DST: variants seen among roughly 807,000 people sequenced by gnomAD.
The protein encoded by DST is bullous pemphigoid antigen.
DST carries 253 observed loss-of-function variants against 875.2 expected under a neutral mutation model. The observed-to-expected ratio is 0.29, with a 90% CI of 0.26 to 0.32. The LOEUF is 0.32. DST is among the 10% of genes least tolerant of loss of function. The pLI is 1.00. For synonymous variants in DST, 3,124 were observed against 3,197.1 expected (o/e 0.98, Z 0.77); for missense variants, 8,287 against 9,111.6 (o/e 0.91, Z 3.68).
chr6:56,578,808 T>A lies in DST; in HGVS notation c.13027+6A>T. 2 of 1,611,894 alleles carry A rather than the reference T, an allele frequency of 1.2e-6. No individual in the cohort carries two copies. Among genetic ancestry groups the A allele is most frequent in the Middle Eastern group, 1.7e-4 (1 of 6,048 alleles). ...GAGACAGGAAGCAAGGACATGAATA[T>A]CTTACCAAGTGTTTTCTGGATATCA... On this transcript the variant is annotated splice_donor_region_variant and intron_variant, in intron 50 of 103. Transcript: ENST00000680361.
At position 56,529,582 on chromosome 6, in the gene DST, A is replaced by C; in HGVS notation, c.17461T>G (p.Cys5821Gly). Residue 5821 changes from cysteine (C) to glycine (G), a missense_variant, in exon 66 of 104, where the codon TGT becomes GGT. Physicochemically the swap from Cys to Gly is radical, Grantham distance 159. This residue lies in a region of DST where 777 missense variants were observed against 764.8 expected (regional missense o/e 1.02). Coordinates refer to ENST00000680361, the MANE Select transcript of DST (RefSeq NM_001374736.1). The stretch of plus-strand genomic sequence containing the variant: ...TCTTCCCCAAAAATCTTAGCATTAC[A>C]TAAGGCCTGCTGGAGGAGCTCAGAC... Reference protein sequence around the residue: ...SRSELLQQALCNAKIFGEDEV... With the variant: ...SRSELLQQALGNAKIFGEDEV... The C allele has an allele frequency of 6.2e-7, 1 of 1,613,876 alleles. No homozygotes were observed. Among genetic ancestry groups the C allele is most frequent in the South Asian group, 1.1e-5 (1 of 91,076 alleles).
At chr6:56,663,443 T>G (rs2099055358) in intron 10 of DST, among the ~76,000 whole-genome samples, 1 of 152,262 alleles carries the variant, frequency 6.6e-6, no homozygotes, top group South Asian at 2.1e-4. Context: ...CCCATGGCCA[T>G]GTGTATGCAC....
chr6:56,908,327 G>A (rs1328826505), intron 2 of DST, among the ~76,000 whole-genome samples: 1 of 152,126 alleles, frequency 6.6e-6, no homozygotes, highest in Non-Finnish European at 1.5e-5. Context: ...TGAGAGAGAT[G>A]AAGAGGGCAG....
rs1592939330 is a variant in DST, at chr6:56,954,677, C to A, written c.-90G>T. The A allele has an allele frequency of 4.6e-6, 4 of 872,434 alleles. No individual in the cohort carries two copies. Among genetic ancestry groups the A allele is most frequent in the Non-Finnish European group, 4.2e-6 (3 of 706,560 alleles). The allele number at this position is 872,434 out of a possible 1,614,324, so 54.0% of individuals were successfully genotyped here. On this transcript the variant is annotated 5_prime_UTR_variant, in exon 1 of 104. Coordinates refer to ENST00000680361, the MANE Select transcript of DST (RefSeq NM_001374736.1). ...TGGGCGCACGCCGGGACGGCGGGCA[C>A]GGGTGAGCGCGGCTCAGCGCGTCAT...
intron 2 of DST, among the ~76,000 whole-genome samples, chr6:56,917,872 A>C (rs1167674959): frequency 1.3e-5 from 2 of 152,158 alleles, no homozygotes; most frequent in Non-Finnish European, 2.9e-5. Context: ...ACTTGTGTGA[A>C]AATTTCAGAA....
At chr6:56,704,229 G>T in intron 6 of DST, 51 bp downstream of exon 6, 2 of 940,058 alleles carry the variant, frequency 2.1e-6, no homozygotes, top group Non-Finnish European at 3.2e-6. Context: ...CTGGTCCTAT[G>T]CAGAAAAGAT....
intron 2 of DST, among the ~76,000 whole-genome samples, chr6:56,911,949 A>G (rs1592384866): frequency 1.2e-5 from 1 of 84,970 alleles, no homozygotes; most frequent in Non-Finnish European, 2.7e-5. Context: ...GTGTAGATCT[A>G]TAATTTTTCT....
intron 3 of DST, among the ~76,000 whole-genome samples, chr6:56,870,119 C>T (rs1776301515): frequency 6.6e-6 from 1 of 152,084 alleles, no homozygotes; most frequent in African/African-American, 2.4e-5. Flanking sequence ...TGAGACAGGA[C>T]TAGCTGGATT....
intron 4 of DST, among the ~76,000 whole-genome samples, chr6:56,824,142 G>C (rs979793769): frequency 6.6e-6 from 1 of 151,562 alleles, no homozygotes; most frequent in Admixed American, 6.6e-5. Flanking sequence ...CCGAGTGCCT[G>C]CGATTGCAGG....
chr6:56,521,799 A>T (rs2096712675), intron 69 of DST, among the ~76,000 whole-genome samples: 1 of 151,960 alleles, frequency 6.6e-6, no homozygotes, highest in Non-Finnish European at 1.5e-5. Context: ...TTTCTAATGG[A>T]ACATAAACAT....
At chr6:56,673,317 C>A (rs920494867) in intron 9 of DST, among the ~76,000 whole-genome samples, 1 of 152,030 alleles carries the variant, frequency 6.6e-6, no homozygotes, top group African/African-American at 2.4e-5. Context: ...CTCTTGGTCT[C>A]TATAACCCTT....
intron 31 of DST, among the ~76,000 whole-genome samples, 168 bp downstream of exon 31, chr6:56,630,077 T>C (rs1344654201): frequency 6.6e-6 from 1 of 152,174 alleles, no homozygotes; most frequent in African/African-American, 2.4e-5. Context: ...CTCCTCAAAC[T>C]AAAATGACTG....
At chr6:56,496,034 T>C (rs1480704344) in intron 82 of DST, among the ~76,000 whole-genome samples, 1 of 151,828 alleles carries the variant, frequency 6.6e-6, no homozygotes, top group East Asian at 1.9e-4. Context: ...CTATTTCTTT[T>C]GCCAAATTTC....
intron 4 of DST, among the ~76,000 whole-genome samples, chr6:56,786,149 T>G (rs2099705004): frequency 6.6e-6 from 1 of 152,198 alleles, no homozygotes; most frequent in Non-Finnish European, 1.5e-5. Context: ...AGTGTGTGTC[T>G]TTCATTTGGG....
chr6:56,892,693 ATTTAGGGGTGGGGGTCCCCTC>A (rs1788162122), intron 3 of DST, among the ~76,000 whole-genome samples: 1 of 152,096 alleles, frequency 6.6e-6, no homozygotes, highest in South Asian at 2.1e-4. Context: ...TAACCAACCT[ATTTAGGGGTGGGGGTCCCCTC>A]TTTGTTCTCT....
intron 3 of DST, among the ~76,000 whole-genome samples, chr6:56,884,130 CA>C (rs879402274): frequency 2.2e-3 from 312 of 142,448 alleles, no homozygotes; most frequent in Middle Eastern, 3.6e-3. Context: ...GAACTTATCT[CA>C]AAAAAAAAAA....
intron 61 of DST, chr6:56,540,895 T>C (rs2097113697): frequency 6.6e-6 from 1 of 152,602 alleles, no homozygotes; most frequent in Non-Finnish European, 1.5e-5. Flanking sequence ...AAAAAAATGG[T>C]CTGTATTGGT....
chr6:56,744,125 G>A (rs2099560009), intron 4 of DST, among the ~76,000 whole-genome samples: 1 of 151,318 alleles, frequency 6.6e-6, no homozygotes, highest in African/African-American at 2.4e-5. Flanking sequence ...CTCCAGCCTG[G>A]GCGACAAGAG....
chr6:56,494,861 A>G (rs1410195705), intron 82 of DST, among the ~76,000 whole-genome samples: 3 of 152,074 alleles, frequency 2.0e-5, no homozygotes, highest in Non-Finnish European at 4.4e-5. Context: ...TAAAAAATTA[A>G]GACTAGTTCT....
Sources: allele counts gnomAD v4.1 joint callset (sites outside exome capture counted in the v4.1 genomes callset), GRCh38; gene constraint gnomAD v4.1.1; regional missense constraint gnomAD v4.1.1; transcripts MANE v1.5; gene names NCBI Gene and HGNC (gene_info 2026-07-23, HGNC 2026-07-21).